Variants in PTPRN2 observed in about 807,000 individuals in gnomAD.
PTPRN2 encodes the protein protein tyrosine phosphatase receptor type N2.
In PTPRN2, 74 loss-of-function variants were observed where a neutral mutation model predicts 118.8. The observed-to-expected ratio is 0.62, with a 90% CI of 0.52 to 0.76. The LOEUF is 0.76. Among genes scored for constraint, PTPRN2 ranks in the 30% least tolerant of loss-of-function variants. The pLI is 0.00. For synonymous variants in PTPRN2, 641 were observed against 608.0 expected (o/e 1.05, Z -0.80); for missense variants, 1,481 against 1,394.4 (o/e 1.06, Z -0.99).
Position 158,237,810 on chromosome 7 carries a change from C to T in PTPRN2, c.278-32537G>A, listed in dbSNP as rs527765852. On this transcript the variant is annotated intron_variant, in intron 3 of 22. Coordinates refer to ENST00000389418, the MANE Select transcript of PTPRN2 (RefSeq NM_002847.5). ...TGCCATTGCACTGATGCTGGCTTCTCGTTTCCTGCTCCCCCTCTTTCTGAA... is the reference window on the plus strand; with the variant it reads ...TGCCATTGCACTGATGCTGGCTTCTTGTTTCCTGCTCCCCCTCTTTCTGAA... Among the ~76,000 whole-genome samples, 220 of 152,190 alleles carry T rather than the reference C, an allele frequency of 1.4e-3. 1 individual carries two copies. Among genetic ancestry groups the T allele is most frequent in the African/African-American group, 4.8e-3 (201 of 41,450 alleles).
intron 14 of PTPRN2, among the ~76,000 whole-genome samples, chr7:157,654,095 C>G (rs1377470908): frequency 5.8e-5 from 4 of 69,406 alleles, no homozygotes; most frequent in South Asian, 6.0e-4. Context: ...GACTCCACAC[C>G]ATGCCCGCCG....
rs549577626 is a variant in PTPRN2 at position 157,669,412 on chromosome 7, C to T, written c.2002-12861G>A. 118 of 425,946 alleles carry T rather than the reference C, an allele frequency of 2.8e-4. 1 individual carries two copies. In the Middle Eastern group the frequency reaches 6.2e-3, roughly 22 times the overall value. The allele number at this position is 425,946 out of a possible 1,614,324, so 26.4% of individuals were successfully genotyped here. On this transcript the variant is annotated intron_variant, in intron 13 of 22. Coordinates refer to ENST00000389418, the MANE Select transcript of PTPRN2 (RefSeq NM_002847.5). ...ACTTGGACCAAGAACAACCCACACA[C>T]GTGTTTGCACGCGCACACACACACA...
chr7:157,677,914 T>G (rs963126491), intron 13 of PTPRN2, among the ~76,000 whole-genome samples: 1 of 152,204 alleles, frequency 6.6e-6, no homozygotes, highest in Admixed American at 6.5e-5. Flanking sequence ...GGCCTTGCCC[T>G]CCCGGGGCCT....
At chr7:158,153,838 G>A (rs961295763) in intron 6 of PTPRN2, among the ~76,000 whole-genome samples, 4 of 152,034 alleles carry the variant, frequency 2.6e-5, no homozygotes, top group Non-Finnish European at 5.9e-5. Context: ...GGTTAGGGGT[G>A]GTGGTCGGGG....
chr7:157,887,434 TCCC>T (rs1563209510), intron 12 of PTPRN2, among the ~76,000 whole-genome samples: 3 of 21,162 alleles, frequency 1.4e-4, no homozygotes, highest in African/African-American at 6.9e-4. Flanking sequence ...CAGTACCCAC[TCCC>T]CCAGTACCCA....
chr7:158,171,304 CACACATATATATATAT>C (rs1823642445), intron 5 of PTPRN2, among the ~76,000 whole-genome samples: 5 of 28,088 alleles, frequency 1.8e-4, no homozygotes, highest in African/African-American at 5.6e-4. Flanking sequence ...CATATATATA[CACACATATATATATAT>C]ATATATATAT....
chr7:158,396,461 G>A (rs1812512460), intron 2 of PTPRN2, among the ~76,000 whole-genome samples: 1 of 150,890 alleles, frequency 6.6e-6, no homozygotes. Flanking sequence ...GTGCACGCGT[G>A]TACATGCATG....
intron 9 of PTPRN2, among the ~76,000 whole-genome samples, chr7:158,131,004 ACTAC>A (rs1463143354): frequency 6.6e-6 from 1 of 151,442 alleles, no homozygotes; most frequent in African/African-American, 2.4e-5. Flanking sequence ...AAATCGACAC[ACTAC>A]CTGACATACT....
rs552354010 is a variant in PTPRN2, at chr7:157,854,327, C to T, written c.1788+44346G>A. On this transcript the variant is annotated intron_variant, in intron 12 of 22. Coordinates refer to ENST00000389418, the MANE Select transcript of PTPRN2 (RefSeq NM_002847.5). ...CCCCACCCTCAGCTCTGGGACAAAC[C>T]TTCAGTCCCAGCCTGTCTGCCCACG... Among the ~76,000 whole-genome samples the T allele has an allele frequency of 7.9e-4, 121 of 152,340 alleles. 1 individual carries two copies. Among genetic ancestry groups the T allele is most frequent in the Non-Finnish European group, 3.5e-4 (24 of 68,030 alleles).
chr7:157,705,717 C>T (rs1448792002), intron 12 of PTPRN2, among the ~76,000 whole-genome samples: 1 of 151,796 alleles, frequency 6.6e-6, no homozygotes, highest in African/African-American at 2.4e-5. Context: ...TGGATAAACG[C>T]GGATCACATC....
intron 12 of PTPRN2, among the ~76,000 whole-genome samples, chr7:157,766,361 CCCAT>C (rs1005944509): frequency 4.8e-5 from 7 of 144,560 alleles, no homozygotes; most frequent in Non-Finnish European, 1.1e-4. Context: ...CATCCATCTA[CCCAT>C]CCATCATCCA....
chr7:158,081,476 C>T, intron 10 of PTPRN2, 99 bp from the exon 11 acceptor site: 1 of 1,191,182 alleles, frequency 8.4e-7, no homozygotes, highest in Non-Finnish European at 1.2e-6. Context: ...TTTAAAAACG[C>T]AAACATCCAA....
intron 11 of PTPRN2, among the ~76,000 whole-genome samples, chr7:157,939,811 G>A (rs1799934466): frequency 6.6e-6 from 1 of 152,182 alleles, no homozygotes; most frequent in Admixed American, 6.5e-5. Flanking sequence ...CTGGGTACTG[G>A]GCACCCGAGA....
chr7:158,114,402 T>C (rs1479911611), intron 9 of PTPRN2, among the ~76,000 whole-genome samples: 1 of 152,158 alleles, frequency 6.6e-6, no homozygotes, highest in Non-Finnish European at 1.5e-5. Flanking sequence ...TCCCACACCA[T>C]AAAATCAGCA....
At position 158,209,861 on chromosome 7, in the gene PTPRN2, C is replaced by A. The variant is rs530979656; in HGVS notation, c.278-4588G>T. Among the ~76,000 whole-genome samples the A allele has an allele frequency of 3.9e-5, 6 of 152,174 alleles. No individual in the cohort carries two copies. In the South Asian group the frequency reaches 1.2e-3, roughly 32 times the overall value. ...TTATATCAAGTATCTTCTCTGACCA[C>A]AATGGAATAACACTAGAAATCAATA... On this transcript the variant is annotated intron_variant, in intron 3 of 22. Coordinates refer to ENST00000389418, the MANE Select transcript of PTPRN2 (RefSeq NM_002847.5).
intron 1 of PTPRN2, among the ~76,000 whole-genome samples, chr7:158,545,179 G>C (rs1826209213): frequency 6.6e-6 from 1 of 152,170 alleles, no homozygotes; most frequent in African/African-American, 2.4e-5. Flanking sequence ...TTGCTAAAAG[G>C]AACTAGAAGA....
chr7:158,126,068 C>T (rs548549612), intron 9 of PTPRN2, among the ~76,000 whole-genome samples: 55 of 136,114 alleles, frequency 4.0e-4, no homozygotes, highest in African/African-American at 1.2e-3. Context: ...GGACAGCGGG[C>T]GGCGGAACTT....
chr7:157,934,914 T>C (rs1799609806), intron 11 of PTPRN2, among the ~76,000 whole-genome samples: 1 of 152,200 alleles, frequency 6.6e-6, no homozygotes, highest in Admixed American at 6.5e-5. Context: ...TGAAACATGT[T>C]TTTGCTGGAG....
intron 12 of PTPRN2, among the ~76,000 whole-genome samples, chr7:157,757,017 C>A (rs1801821661): frequency 6.6e-6 from 1 of 152,180 alleles, no homozygotes; most frequent in Non-Finnish European, 1.5e-5. Context: ...GGGCCAGGAG[C>A]CGCCGTGTGG....
Sources: allele counts gnomAD v4.1 joint callset (sites outside exome capture counted in the v4.1 genomes callset), GRCh38; gene constraint gnomAD v4.1.1; transcripts MANE v1.5; gene names NCBI Gene and HGNC (gene_info 2026-07-23, HGNC 2026-07-21).